PDE10A: variants seen among roughly 807,000 people sequenced by gnomAD.
PDE10A encodes the protein phosphodiesterase 10A.
In PDE10A, 39 loss-of-function variants were observed where a neutral mutation model predicts 97.7. The ratio of observed to expected loss-of-function variants is 0.40; its 90% confidence interval spans 0.31 to 0.52. The LOEUF is 0.52. Among genes scored for constraint, PDE10A ranks in the 20% least tolerant of loss-of-function variants. The probability of loss-of-function intolerance (pLI) is 0.56; values close to 1 mark genes in which losing one functional copy is unlikely to be tolerated. For missense variants in PDE10A, 731 were observed against 1,047.8 expected, an observed-to-expected ratio of 0.70 and a Z score of 4.17; for synonymous variants, 371 against 376.8, an observed-to-expected ratio of 0.98 and a Z score of 0.18.
At chr6:165,905,922 G>T (rs1478016289) in intron 1 of PDE10A, among the ~76,000 whole-genome samples, 1 of 150,782 alleles carries the variant, frequency 6.6e-6, no homozygotes, top group Admixed American at 6.6e-5. Context: ...AGAAAAATGT[G>T]TTATTTTATA....
At chr6:165,359,735 T>C (rs1783263852) in intron 18 of PDE10A, among the ~76,000 whole-genome samples, 1 of 152,170 alleles carries the variant, frequency 6.6e-6, no homozygotes, top group Non-Finnish European at 1.5e-5. Flanking sequence ...TTTATATTTG[T>C]AGTAAAGGGC....
intron 1 of PDE10A, among the ~76,000 whole-genome samples, chr6:165,715,689 A>G (rs1792009780): frequency 6.6e-6 from 1 of 152,156 alleles, no homozygotes; most frequent in African/African-American, 2.4e-5. Flanking sequence ...TGGATAATGG[A>G]TCAGGTGGTT....
At chr6:165,428,815 T>A in intron 9 of PDE10A, 106 bp from the exon 10 acceptor site, 1 of 525,120 alleles carries the variant, frequency 1.9e-6, no homozygotes, top group Non-Finnish European at 3.4e-6. Flanking sequence ...TAAAAAACCA[T>A]AAAGATAAAT....
In PDE10A at chr6:165,828,759, G is replaced by C. The variant is rs73031969; in HGVS notation, c.-615+158770C>G. ...TCCCAAGGGAAGCAGAGCCCACTGC[G>C]GGCAGTGGAGGCCCTGTGCCCCCAC... On this transcript the variant is annotated intron_variant, in intron 1 of 19. Coordinates refer to the PDE10A transcript ENST00000366882. Among the ~76,000 whole-genome samples, 11 of 152,034 alleles carry C rather than the reference G, an allele frequency of 7.2e-5. No homozygotes were observed. The South Asian group carries it at 1.2e-3, about 17-fold the overall frequency.
chr6:165,742,142 G>T (rs1418427756), intron 1 of PDE10A, among the ~76,000 whole-genome samples: 1 of 152,106 alleles, frequency 6.6e-6, no homozygotes. Context: ...CAGTTTTAGG[G>T]AAGGTAAGAC....
At chr6:165,738,475 G>A (rs1038893081) in intron 1 of PDE10A, among the ~76,000 whole-genome samples, 8 of 151,200 alleles carry the variant, frequency 5.3e-5, no homozygotes, top group African/African-American at 7.3e-5. Flanking sequence ...GTAAACATAC[G>A]TGTGCATGTG....
intron 1 of PDE10A, among the ~76,000 whole-genome samples, chr6:165,978,380 G>A (rs1371580165): frequency 6.6e-6 from 1 of 152,212 alleles, no homozygotes; most frequent in East Asian, 1.9e-4. Context: ...AGAATAATCA[G>A]AGTTTATTAC....
intron 13 of PDE10A, among the ~76,000 whole-genome samples, chr6:165,400,137 C>A (rs1279229845): frequency 6.6e-6 from 1 of 151,678 alleles, no homozygotes; most frequent in Non-Finnish European, 1.5e-5. Context: ...AATATATAAA[C>A]AAATAAATAA....
chr6:165,686,766 G>A (rs1234500754), intron 1 of PDE10A, among the ~76,000 whole-genome samples: 1 of 152,186 alleles, frequency 6.6e-6, no homozygotes, highest in African/African-American at 2.4e-5. Context: ...GCAGCTGCGT[G>A]ACCGCCTCAT....
In PDE10A at chr6:165,327,820, A is replaced by C. The variant is rs918327706; in HGVS notation, c.*5205T>G. ...GAGAGCCTATTAAAATTCTGGACACAGGTTCATTGACTCTACAAATCAGTT... is the reference window on the plus strand; with the variant it reads ...GAGAGCCTATTAAAATTCTGGACACCGGTTCATTGACTCTACAAATCAGTT... On this transcript the variant is annotated 3_prime_UTR_variant, in exon 22 of 22. Coordinates refer to ENST00000539869, the MANE Select transcript of PDE10A (RefSeq NM_001385079.1). 3.9e-5 allele frequency: 6 copies of C among 152,226 alleles called. No individual in the cohort carries two copies. The highest frequency in any genetic ancestry group is 7.3e-5 in the Non-Finnish European group (5 of 68,040). 9.4% of individuals were successfully genotyped at this position (152,226 alleles called of 1,614,324 possible).
At chr6:165,901,070 G>T (rs1193289965) in intron 1 of PDE10A, among the ~76,000 whole-genome samples, 1 of 151,996 alleles carries the variant, frequency 6.6e-6, no homozygotes, top group Admixed American at 6.6e-5. Context: ...GTTCCACCTC[G>T]GCCTCCACGT....
chr6:165,603,851 A>G (rs1198911624), intron 1 of PDE10A, among the ~76,000 whole-genome samples: 2 of 152,254 alleles, frequency 1.3e-5, no homozygotes, highest in African/African-American at 4.8e-5. Context: ...GAACGGATGA[A>G]TAAAAGGTGG....
At chr6:165,573,598 A>C (rs2128347301) in intron 1 of PDE10A, among the ~76,000 whole-genome samples, 1 of 152,330 alleles carries the variant, frequency 6.6e-6, no homozygotes, top group Middle Eastern at 3.4e-3. Flanking sequence ...TTTCACCAAA[A>C]AATGACAAAT....
chr6:165,743,634 G>C (rs544208735), intron 1 of PDE10A, among the ~76,000 whole-genome samples: 1 of 152,270 alleles, frequency 6.6e-6, no homozygotes, highest in South Asian at 2.1e-4. Context: ...ACACACAGCA[G>C]ACCCTAGATT....
intron 13 of PDE10A, among the ~76,000 whole-genome samples, chr6:165,400,517 AC>A: frequency 6.6e-6 from 1 of 152,328 alleles, no homozygotes; most frequent in South Asian, 2.1e-4. Context: ...ACCACCACAA[AC>A]AAAAGATGGA....
intron 2 of PDE10A, among the ~76,000 whole-genome samples, chr6:165,489,364 G>C (rs749746849): frequency 6.6e-6 from 1 of 152,076 alleles, no homozygotes; most frequent in East Asian, 1.9e-4. Context: ...GTTGCAGTTC[G>C]ACTCTCAGGA....
At chr6:165,381,782 C>T (rs564995296) in intron 17 of PDE10A, among the ~76,000 whole-genome samples, 5 of 151,864 alleles carry the variant, frequency 3.3e-5, no homozygotes, top group Admixed American at 6.6e-5. Context: ...CGCCCGGCCA[C>T]GTCTCCCTTT....
At chr6:165,494,160 A>C (rs532674799) in intron 2 of PDE10A, among the ~76,000 whole-genome samples, 1 of 152,148 alleles carries the variant, frequency 6.6e-6, no homozygotes, top group African/African-American at 2.4e-5. Flanking sequence ...CAAAAAAATT[A>C]AAAAATCACT....
intron 1 of PDE10A, among the ~76,000 whole-genome samples, chr6:165,981,223 C>T (rs1360353512): frequency 2.0e-5 from 3 of 152,116 alleles, no homozygotes; most frequent in Non-Finnish European, 4.4e-5. Context: ...AGAGCTTCTG[C>T]CAGTACTAAA....
Sources: gnomAD v4.1 joint callset for allele counts (sites outside exome capture counted in the v4.1 genomes callset) on GRCh38, gnomAD v4.1.1 for gene constraint, MANE v1.5 for transcripts, NCBI Gene and HGNC (gene_info 2026-07-23, HGNC 2026-07-21) for gene names.